NFATC2: variants seen among roughly 807,000 people sequenced by gnomAD.
NFATC2 encodes the protein nuclear factor of activated T-cells, cytoplasmic 2.
In NFATC2, 22 loss-of-function variants were observed where a neutral mutation model predicts 87.3. That is an observed-to-expected ratio of 0.25 (90% CI 0.18 to 0.36). NFATC2 has a LOEUF of 0.36. Ranked by LOEUF, NFATC2 falls within the 10% of genes least tolerant of loss-of-function variation. The pLI is 1.00. For missense variants in NFATC2, 1,149 were observed against 1,259.1 expected, an observed-to-expected ratio of 0.91 and a Z score of 1.32; for synonymous variants, 565 against 542.2, an observed-to-expected ratio of 1.04 and a Z score of -0.58.
intron 3 of NFATC2, among the ~76,000 whole-genome samples, chr20:51,512,219 T>A (rs1340942607): frequency 2.0e-5 from 3 of 152,202 alleles, no homozygotes; most frequent in African/African-American, 7.2e-5. Flanking sequence ...TACCATCTCT[T>A]GTCATGGTTT....
At chr20:51,558,166 C>A (rs1227281664) in intron 1 of NFATC2, among the ~76,000 whole-genome samples, 4 of 152,100 alleles carry the variant, frequency 2.6e-5, no homozygotes, top group African/African-American at 9.7e-5. Flanking sequence ...CATAGCAAGA[C>A]CCCATCTCTA....
intron 3 of NFATC2, among the ~76,000 whole-genome samples, chr20:51,512,593 G>A (rs570370220): frequency 4.6e-5 from 7 of 152,308 alleles, no homozygotes; most frequent in Non-Finnish European, 1.0e-4. Flanking sequence ...TTCAAAAAAA[G>A]CAATGAAGAG....
chr20:51,561,404 A>G (rs1452833508), intron 1 of NFATC2, among the ~76,000 whole-genome samples: 4 of 148,124 alleles, frequency 2.7e-5, no homozygotes, highest in Admixed American at 1.3e-4. Flanking sequence ...AGAGAGAAAG[A>G]AAAGAAAGAA....
Position 51,432,467 on chromosome 20 carries a change from C to A in NFATC2, c.2322G>T (p.Pro774=). Residue 774 remains proline (P), a synonymous_variant, in exon 9 of 11, where the codon CCG becomes CCT. Coordinates refer to ENST00000371564, the MANE Select transcript of NFATC2 (RefSeq NM_012340.5). This position sits in a 1 kb window ranked among gnomAD's most constrained non-coding sequence, Gnocchi z 4.6. ...AGCGGTGAGCGTCCGCAAGGGACAG[C>A]GGGGCGGCCATGAGGGCCGGCTGCT... is the stretch of plus-strand genomic sequence containing the variant. ...GYQQPALMAA[P]LSLADAHRSV... 1 of 1,558,204 alleles carries A rather than the reference C, an allele frequency of 6.4e-7. No individual in the cohort carries two copies. The highest frequency in any genetic ancestry group is 2.3e-5 in the East Asian group (1 of 44,312).
chr20:51,431,981 A>C (rs1286657971), intron 9 of NFATC2, 86 bp downstream of exon 9: 1 of 1,365,510 alleles, frequency 7.3e-7, no homozygotes, highest in Non-Finnish European at 9.9e-7. Context: ...AGATTACGGA[A>C]TCCGTAGGCC....
Position 51,499,751 on chromosome 20 carries a change from AAAAGAAAG to A in NFATC2, c.1332+17025_1332+17032del, listed in dbSNP as rs1225915429. ...AGCAAGACTCCATCTTAAAAAAAAA[AAAAGAAAG>A]AAAGAAAGAAAGAAAAAGAAATCTA... On this transcript the variant is annotated intron_variant, in intron 3 of 10. Transcript: ENST00000371564. Among the ~76,000 whole-genome samples, 6 of 151,564 alleles carry A rather than the reference AAAAGAAAG, an allele frequency of 4.0e-5. No individual in the cohort carries two copies. In the East Asian group the frequency reaches 1.2e-3, roughly 29 times the overall value.
At chr20:51,522,798 G>T (rs1015661569) in intron 2 of NFATC2, among the ~76,000 whole-genome samples, 12 of 152,004 alleles carry the variant, frequency 7.9e-5, no homozygotes, top group African/African-American at 2.9e-4. Flanking sequence ...AACACTTTTT[G>T]AATAAACCAG....
intron 5 of NFATC2, among the ~76,000 whole-genome samples, chr20:51,457,171 CA>C (rs1986632992): frequency 6.6e-6 from 1 of 152,260 alleles, no homozygotes; most frequent in African/African-American, 2.4e-5. Context: ...TGAGCTGCCA[CA>C]AATGAGATTT....
chr20:51,545,563 T>C (rs562570621), upstream of NFATC2, among the ~76,000 whole-genome samples: 4 of 151,970 alleles, frequency 2.6e-5, no homozygotes, highest in African/African-American at 9.7e-5. Flanking sequence ...GATGGATGGG[T>C]GAATGGAAGA....
intron 9 of NFATC2, among the ~76,000 whole-genome samples, chr20:51,405,829 G>T (rs369495759): frequency 1.3e-5 from 2 of 152,158 alleles, no homozygotes; most frequent in Non-Finnish European, 2.9e-5. Flanking sequence ...ATCAGGTCTG[G>T]CTTTCAACTG....
intron 1 of NFATC2, among the ~76,000 whole-genome samples, chr20:51,533,457 CTT>C (rs1317342526): frequency 1.3e-5 from 2 of 152,234 alleles, no homozygotes; most frequent in East Asian, 3.8e-4. Context: ...TTGTCACACC[CTT>C]CGTTCGGAGG....
chr20:51,549,302 T>C (rs2076914140), intron 1 of NFATC2, among the ~76,000 whole-genome samples: 1 of 152,216 alleles, frequency 6.6e-6, no homozygotes, highest in African/African-American at 2.4e-5. Flanking sequence ...GATGGAGTTT[T>C]GCTCTTGTTG....
chr20:51,529,356 C>T (rs2068533625), intron 1 of NFATC2, among the ~76,000 whole-genome samples: 2 of 119,488 alleles, frequency 1.7e-5, no homozygotes, highest in South Asian at 6.0e-4. Context: ...ATCCAAGCGG[C>T]AGTTTTTTTT....
chr20:51,520,434 TTC>T (rs954022562), intron 2 of NFATC2, among the ~76,000 whole-genome samples: 1 of 125,386 alleles, frequency 8.0e-6, no homozygotes, highest in Non-Finnish European at 1.8e-5. Context: ...GATCAGGATT[TTC>T]TTTTTTTTTT....
intron 9 of NFATC2, among the ~76,000 whole-genome samples, chr20:51,421,555 A>G (rs564187648): frequency 1.3e-5 from 2 of 152,318 alleles, no homozygotes; most frequent in East Asian, 3.9e-4. Context: ...ACAAAAGGGA[A>G]TGGCGGGGGC....
intron 9 of NFATC2, among the ~76,000 whole-genome samples, chr20:51,421,387 C>A (rs1311792192): frequency 1.3e-5 from 2 of 152,152 alleles, no homozygotes; most frequent in African/African-American, 2.4e-5. Flanking sequence ...GATTAATGAG[C>A]CTTGGATATG....
intron 9 of NFATC2, among the ~76,000 whole-genome samples, chr20:51,408,512 T>TTAA (rs1383156002): frequency 7.3e-6 from 1 of 137,258 alleles, no homozygotes; most frequent in African/African-American, 3.0e-5. Flanking sequence ...AGACTCTTTT[T>TTAA]AAAAAAAAAA....
intron 3 of NFATC2, among the ~76,000 whole-genome samples, chr20:51,503,843 A>G (rs936291678): frequency 3.9e-5 from 6 of 151,992 alleles, no homozygotes; most frequent in African/African-American, 1.5e-4. Flanking sequence ...ACCAGCCTGG[A>G]TTTATTTCCT....
chr20:51,480,019 G>C lies in NFATC2; in HGVS notation c.1333-4359C>G, dbSNP rs1195605852. 6.6e-6 allele frequency among the ~76,000 whole-genome samples: 1 copy of C among 152,196 alleles called. No homozygotes were observed. Among genetic ancestry groups the C allele is most frequent in the Non-Finnish European group, 1.5e-5 (1 of 68,034 alleles). On this transcript the variant is annotated intron_variant, in intron 3 of 10. Coordinates refer to ENST00000371564, the MANE Select transcript of NFATC2 (RefSeq NM_012340.5). The surrounding 1 kb of genome is among the most constrained non-coding windows in gnomAD (Gnocchi z 4.2). ...TGTGCTTCCTGGGGCCAGGCGCGGT[G>C]GCTCGTGCCTGTAATCCCAGCACTT...
Sources: allele counts gnomAD v4.1 joint callset (sites outside exome capture counted in the v4.1 genomes callset), GRCh38; gene constraint gnomAD v4.1.1; non-coding constraint Gnocchi (gnomAD v3.1); transcripts MANE v1.5; gene names NCBI Gene and HGNC (gene_info 2026-07-23, HGNC 2026-07-21).